Variants in AP1S3 observed in about 807,000 individuals in gnomAD.
AP1S3 encodes the protein adaptor related protein complex 1 subunit sigma 3.
Under a neutral mutation model 20.9 loss-of-function variants are expected in AP1S3, and 10 were observed. The ratio of observed to expected loss-of-function variants is 0.48; its 90% CI spans 0.29 to 0.81. AP1S3 has a LOEUF of 0.81. Ranked by LOEUF, AP1S3 falls within the 30% of genes least tolerant of loss-of-function variation. The pLI, the probability that AP1S3 is intolerant of heterozygous loss-of-function variation, is 0.08. For synonymous variants in AP1S3, 41 were observed against 61.5 expected (o/e 0.67, Z 1.56); for missense variants, 154 against 183.8 (o/e 0.84, Z 0.94).
At chr2:223,837,321 G>C (rs934866426) in intron 1 of AP1S3, 127 bp downstream of exon 1, 8 of 402,648 alleles carry the variant, frequency 2.0e-5, no homozygotes, top group South Asian at 1.2e-4. Flanking sequence ...CGCACGGTTC[G>C]GGTGGCCAGG....
rs1407395423 is a variant in AP1S3, at chr2:223,757,159, T to A, written c.*1556A>T. On this transcript the variant is annotated 3_prime_UTR_variant, in exon 5 of 5. Transcript: ENST00000396654. The stretch of plus-strand genomic sequence containing the variant: ...CACCTGCCACCATGCCCGGCTAATT[T>A]TTTTGTTTGTTTGAGACGAAGTCTC... 1.1e-5 allele frequency: 3 copies of A among 273,126 alleles called. No homozygotes were observed. The highest frequency in any genetic ancestry group is 1.7e-5 in the Non-Finnish European group (3 of 179,180). 16.9% of individuals were successfully genotyped at this position (273,126 alleles called of 1,614,324 possible).
chr2:223,814,711 T>C (rs1691805787), intron 1 of AP1S3, among the ~76,000 whole-genome samples: 1 of 152,222 alleles, frequency 6.6e-6, no homozygotes, highest in South Asian at 2.1e-4. Context: ...CTAAAAAATA[T>C]GACAGGCGTT....
In AP1S3 at chr2:223,790,410, T is replaced by A. The variant is rs1031419795; in HGVS notation, c.4-12541A>T. Among the ~76,000 whole-genome samples the A allele has an allele frequency of 2.0e-5, 3 of 152,062 alleles. No individual in the cohort carries two copies. In the East Asian group the frequency reaches 5.8e-4, roughly 29 times the overall value. ...CCATGCCTGGCTAATTTTTTTTGTA[T>A]TTTTAGCAGAGATGGGGTTTCGCCA... is the stretch of plus-strand genomic sequence containing the variant. On this transcript the variant is annotated intron_variant, in intron 1 of 4. Transcript: ENST00000396654.
intron 1 of AP1S3, among the ~76,000 whole-genome samples, chr2:223,810,705 A>G (rs1427349474): frequency 6.6e-6 from 1 of 150,966 alleles, no homozygotes; most frequent in Non-Finnish European, 1.5e-5. Flanking sequence ...AAAAAAGTCT[A>G]CATACCTAAA....
At chr2:223,766,880 A>G (rs1690497021) in intron 3 of AP1S3, among the ~76,000 whole-genome samples, 1 of 152,268 alleles carries the variant, frequency 6.6e-6, no homozygotes, top group Non-Finnish European at 1.5e-5. Flanking sequence ...AGCCATAAAA[A>G]AAGATGAGTT....
intron 1 of AP1S3, among the ~76,000 whole-genome samples, chr2:223,786,444 A>G (rs1390442983): frequency 6.6e-6 from 1 of 152,206 alleles, no homozygotes; most frequent in African/African-American, 2.4e-5. Context: ...AAACAAACTT[A>G]GTAGATCGTA....
At chr2:223,758,800 T>G in intron 4 of AP1S3, 50 bp from the exon 5 acceptor site, 2 of 1,484,808 alleles carry the variant, frequency 1.3e-6, no homozygotes, top group Non-Finnish European at 1.9e-6. Flanking sequence ...GTCACAGCCT[T>G]CCGCAGACTG....
intron 3 of AP1S3, chr2:223,773,433 CAT>C (rs1690680039): frequency 8.0e-7 from 1 of 1,242,524 alleles, no homozygotes; most frequent in African/African-American, 1.6e-5. Flanking sequence ...TGTTTGAAAA[CAT>C]GTTATTATAC....
At chr2:223,790,454 C>G (rs1691190303) in intron 1 of AP1S3, among the ~76,000 whole-genome samples, 1 of 152,026 alleles carries the variant, frequency 6.6e-6, no homozygotes, top group African/African-American at 2.4e-5. Context: ...AGGCTGGTCT[C>G]AAACTCCTGA....
intron 1 of AP1S3, among the ~76,000 whole-genome samples, chr2:223,794,807 T>G (rs1365718368): frequency 6.6e-6 from 1 of 152,060 alleles, no homozygotes; most frequent in Non-Finnish European, 1.5e-5. Flanking sequence ...TCAACCCCTC[T>G]CCCTTGCGTC....
intron 1 of AP1S3, among the ~76,000 whole-genome samples, chr2:223,795,086 C>T (rs1443491838): frequency 6.6e-6 from 1 of 152,144 alleles, no homozygotes; most frequent in Admixed American, 6.6e-5. Flanking sequence ...CCCATCTCTA[C>T]TACAAATACA....
rs529042638 is a variant in AP1S3 at position 223,818,377 on chromosome 2, A to G, written c.3+19071T>C. Among the ~76,000 whole-genome samples, 192 of 151,484 alleles carry G rather than the reference A, an allele frequency of 1.3e-3. 1 individual carries two copies. Among genetic ancestry groups the G allele is most frequent in the African/African-American group, 4.4e-3 (181 of 41,306 alleles). ...GGTTGCAGTGAGCCGAGATCGAGCC[A>G]CTGCACTCCAGCCTGGGCAACAGAG... On this transcript the variant is annotated intron_variant, in intron 1 of 4. Transcript: ENST00000396654.
chr2:223,835,013 T>C (rs1322273007), intron 1 of AP1S3, among the ~76,000 whole-genome samples: 3 of 88,936 alleles, frequency 3.4e-5, no homozygotes, highest in African/African-American at 1.3e-4. Flanking sequence ...TGTAGTCTTG[T>C]GAGAATGAGA....
chr2:223,807,874 T>TTTC (rs1691623933), intron 1 of AP1S3, among the ~76,000 whole-genome samples: 3 of 124,744 alleles, frequency 2.4e-5, no homozygotes, highest in Non-Finnish European at 5.1e-5. Context: ...TTTCTTTTTT[T>TTTC]TTTTTTTTTT....
intron 3 of AP1S3, among the ~76,000 whole-genome samples, chr2:223,769,492 T>C (rs549972310): frequency 7.2e-5 from 11 of 152,358 alleles, no homozygotes; most frequent in South Asian, 2.1e-4. Context: ...TTTCTTGCCT[T>C]GTCTACAAAT....
intron 3 of AP1S3, among the ~76,000 whole-genome samples, chr2:223,765,706 T>C (rs769132951): frequency 3.9e-5 from 6 of 152,216 alleles, no homozygotes; most frequent in Non-Finnish European, 7.3e-5. Context: ...TCCTGCTCTC[T>C]GCTCTGTAAA....
intron 1 of AP1S3, among the ~76,000 whole-genome samples, chr2:223,781,937 T>G (rs925261515): frequency 1.3e-5 from 2 of 152,116 alleles, no homozygotes; most frequent in African/African-American, 4.8e-5. Flanking sequence ...ATCCATAGAT[T>G]ATATAAAAAG....
At chr2:223,824,721 G>C (rs12476037) in intron 1 of AP1S3, among the ~76,000 whole-genome samples, 77,514 of 151,820 alleles carry the variant, frequency 0.51, 19,883 homozygotes, top group Middle Eastern at 0.59. Context: ...ATTTTCAGGA[G>C]AGATAGGGTT....
At chr2:223,816,943 A>G (rs1691856947) in intron 1 of AP1S3, among the ~76,000 whole-genome samples, 1 of 151,836 alleles carries the variant, frequency 6.6e-6, no homozygotes, top group Non-Finnish European at 1.5e-5. Context: ...GCCTAGCCAT[A>G]TTGAAACCCT....
Sources: allele counts gnomAD v4.1 joint callset (sites outside exome capture counted in the v4.1 genomes callset), GRCh38; gene constraint gnomAD v4.1.1; transcripts MANE v1.5; gene names NCBI Gene and HGNC (gene_info 2026-07-23, HGNC 2026-07-21).